Variants in ZDHHC15 observed in about 807,000 individuals in gnomAD.
The protein encoded by ZDHHC15 is zDHHC palmitoyltransferase 15.
In ZDHHC15, 19 loss-of-function variants were observed where a neutral mutation model predicts 31.7. The ratio of observed to expected loss-of-function variants is 0.60; its 90% CI spans 0.42 to 0.88. ZDHHC15 has a LOEUF of 0.88. Among genes scored for constraint, ZDHHC15 ranks in the 40% least tolerant of loss-of-function variants. The pLI, the probability that ZDHHC15 is intolerant of heterozygous loss-of-function variation, is 0.00. For missense variants in ZDHHC15, 209 were observed against 251.2 expected (o/e 0.83, Z 1.14); for synonymous variants, 103 against 90.0 (o/e 1.14, Z -0.82).
intron 11 of ZDHHC15, among the ~76,000 whole-genome samples, chrX:75,378,149 A>G (rs1440055003): frequency 1.8e-5 from 2 of 111,714 alleles, no homozygotes; most frequent in Admixed American, 1.9e-4. Context: ...GCCATGGTGG[A>G]AATAGCATGC....
intron 4 of ZDHHC15, among the ~76,000 whole-genome samples, chrX:75,442,854 C>T (rs1179332450): frequency 3.7e-5 from 4 of 107,891 alleles, no homozygotes; most frequent in African/African-American, 1.0e-4. Flanking sequence ...GGCACGGTGG[C>T]GGGCGCCTGT....
At chrX:75,374,685 G>GTATA (rs35647178) in intron 11 of ZDHHC15, among the ~76,000 whole-genome samples, 46 of 90,457 alleles carry the variant, frequency 5.1e-4, no homozygotes, top group East Asian at 3.4e-3. Flanking sequence ...GTGTGTGTGT[G>GTATA]TGTATATATA....
intron 1 of ZDHHC15, among the ~76,000 whole-genome samples, chrX:75,513,682 C>G (rs2085311782): frequency 1.8e-5 from 2 of 110,956 alleles, no homozygotes; most frequent in Non-Finnish European, 3.8e-5. Flanking sequence ...AGAGGAAAAA[C>G]AGAAAGAGTA....
intron 3 of ZDHHC15, among the ~76,000 whole-genome samples, chrX:75,473,853 A>T (rs1485567137): frequency 8.9e-6 from 1 of 112,019 alleles, no homozygotes; most frequent in East Asian, 2.8e-4. Flanking sequence ...GTGACATAAG[A>T]TTTATTGACT....
At chrX:75,418,008 T>C (rs2083568339) in intron 9 of ZDHHC15, among the ~76,000 whole-genome samples, 1 of 112,357 alleles carries the variant, frequency 8.9e-6, no homozygotes, top group Non-Finnish European at 1.9e-5. Context: ...GTAAGTGTAC[T>C]GATTATAAAT....
chrX:75,396,444 C>A (rs1273856954), intron 10 of ZDHHC15, among the ~76,000 whole-genome samples: 1 of 111,436 alleles, frequency 9.0e-6, no homozygotes, highest in Non-Finnish European at 1.9e-5. Context: ...ATAATGAGAC[C>A]AAATCTCACC....
rs2084425832 is a variant in ZDHHC15, at chrX:75,467,514, G to A, written c.258+11377C>T. ...ATTGATGATAGATTGGGATGTACTT[G>A]GGTATTAAAGAATGTAATACTGTGG... On this transcript the variant is annotated intron_variant, in intron 3 of 11. Transcript: ENST00000373367. Among the ~76,000 whole-genome samples, 5 of 112,136 alleles carry A rather than the reference G, an allele frequency of 4.5e-5. No homozygotes were observed. In the South Asian group the frequency reaches 1.9e-3, roughly 42 times the overall value.
intron 7 of ZDHHC15, among the ~76,000 whole-genome samples, chrX:75,428,341 G>C (rs1379560201): frequency 8.9e-6 from 1 of 111,837 alleles, no homozygotes; most frequent in African/African-American, 3.2e-5. Context: ...CCTTAAGTTT[G>C]TTTTTCTTTT....
At chrX:75,509,056 C>G (rs1366946839) in intron 1 of ZDHHC15, among the ~76,000 whole-genome samples, 1 of 110,753 alleles carries the variant, frequency 9.0e-6, no homozygotes, top group Non-Finnish European at 1.9e-5. Context: ...GGACCTAAAA[C>G]CATAAAAACC....
chrX:75,483,587 T>TA (rs1432482476), intron 2 of ZDHHC15, among the ~76,000 whole-genome samples: 1 of 110,888 alleles, frequency 9.0e-6, no homozygotes, highest in South Asian at 3.8e-4. Flanking sequence ...AAAACTAAAT[T>TA]AAAAAAAGAA....
At chrX:75,381,428 G>A (rs1441342108) in intron 10 of ZDHHC15, among the ~76,000 whole-genome samples, 1 of 111,013 alleles carries the variant, frequency 9.0e-6, no homozygotes, top group African/African-American at 3.3e-5. Flanking sequence ...ATGTCTCTTG[G>A]GTTTGATCAT....
intron 3 of ZDHHC15, among the ~76,000 whole-genome samples, chrX:75,463,005 G>A (rs1364430823): frequency 9.0e-6 from 1 of 110,707 alleles, no homozygotes; most frequent in Admixed American, 9.6e-5. Flanking sequence ...TAATCAAATA[G>A]ATAGACCACT....
At chrX:75,493,704 C>T (rs958244499) in intron 2 of ZDHHC15, among the ~76,000 whole-genome samples, 2 of 112,041 alleles carry the variant, frequency 1.8e-5, no homozygotes, top group Non-Finnish European at 3.8e-5. Context: ...TCAATAGTTG[C>T]AGAAAAGTCC....
At chrX:75,384,912 T>C (rs2083164048) in intron 10 of ZDHHC15, 2 of 471,758 alleles carry the variant, frequency 4.2e-6, no homozygotes, top group Admixed American at 3.2e-5. Context: ...GACTCTTCCA[T>C]CATTGGCACT....
At chrX:75,471,654 C>T (rs1385882755) in intron 3 of ZDHHC15, among the ~76,000 whole-genome samples, 4 of 112,018 alleles carry the variant, frequency 3.6e-5, no homozygotes, top group Non-Finnish European at 5.6e-5. Context: ...GCCCATTTAT[C>T]GAGTGACCGA....
intron 9 of ZDHHC15, among the ~76,000 whole-genome samples, chrX:75,419,455 G>T (rs1360673160): frequency 9.0e-6 from 1 of 110,946 alleles, no homozygotes; most frequent in Non-Finnish European, 1.9e-5. Context: ...AACAACAGAT[G>T]CTGGAGAGGA....
chrX:75,455,426 C>T (rs776732976), intron 3 of ZDHHC15, among the ~76,000 whole-genome samples: 30 of 111,753 alleles, frequency 2.7e-4, no homozygotes, highest in Non-Finnish European at 4.9e-4. Context: ...TAGAAGAAAA[C>T]CTAGGCAATA....
intron 7 of ZDHHC15, among the ~76,000 whole-genome samples, chrX:75,427,350 G>A (rs765385896): frequency 9.0e-6 from 1 of 111,726 alleles, no homozygotes; most frequent in Admixed American, 9.6e-5. Flanking sequence ...TATTACTTGT[G>A]AATATTGGCA....
intron 4 of ZDHHC15, among the ~76,000 whole-genome samples, chrX:75,432,458 T>C (rs2083792563): frequency 1.8e-5 from 2 of 112,176 alleles, no homozygotes. Context: ...TGGAAGTATG[T>C]GAGTGACTAA....
Sources: allele counts gnomAD v4.1 joint callset (sites outside exome capture counted in the v4.1 genomes callset), GRCh38; gene constraint gnomAD v4.1.1; transcripts MANE v1.5; gene names NCBI Gene and HGNC (gene_info 2026-07-23, HGNC 2026-07-21).